The following RTN3 variants were observed in gnomAD, a reference collection of about 807,000 sequenced individuals.
The protein encoded by RTN3 is reticulon-3.
In RTN3, 49 loss-of-function variants were observed where a neutral mutation model predicts 77.8. The ratio of observed to expected loss-of-function variants is 0.63; its 90% CI spans 0.50 to 0.80. The LOEUF (loss-of-function observed/expected upper bound fraction) is 0.80, where lower values mean the gene tolerates loss of function less well. Among genes scored for constraint, RTN3 ranks in the 30% least tolerant of loss-of-function variants. The probability of loss-of-function intolerance (pLI) is 0.00; values close to 1 mark genes in which losing one functional copy is unlikely to be tolerated. For synonymous variants in RTN3, 464 were observed against 446.9 expected, an observed-to-expected ratio of 1.04 and a Z score of -0.48; for missense variants, 1,236 against 1,211.9, an observed-to-expected ratio of 1.02 and a Z score of -0.29.
chr11:63,698,997 G>A (rs1202990327), intron 1 of RTN3, among the ~76,000 whole-genome samples: 2 of 152,092 alleles, frequency 1.3e-5, no homozygotes, highest in African/African-American at 2.4e-5. Context: ...AATAATATAA[G>A]GGATTCCTGG....
At chr11:63,724,352 T>C (rs2012062909) in intron 3 of RTN3, among the ~76,000 whole-genome samples, 2 of 149,444 alleles carry the variant, frequency 1.3e-5, no homozygotes, top group African/African-American at 4.9e-5. Context: ...CCGGCTAATT[T>C]TTTGTATTTT....
intron 4 of RTN3, among the ~76,000 whole-genome samples, chr11:63,751,741 C>T (rs187770778): frequency 2.6e-5 from 4 of 152,124 alleles, no homozygotes; most frequent in Non-Finnish European, 5.9e-5. Flanking sequence ...CATGTAGTCT[C>T]AGCACTTTGG....
chr11:63,685,174 C>T (rs1169190570), intron 1 of RTN3, among the ~76,000 whole-genome samples: 1 of 152,046 alleles, frequency 6.6e-6, no homozygotes, highest in East Asian at 1.9e-4. Context: ...TGGGTCACTA[C>T]TTGAACATAA....
chr11:63,748,995 A>G (rs2013958947), intron 3 of RTN3, among the ~76,000 whole-genome samples: 5 of 151,942 alleles, frequency 3.3e-5, no homozygotes, highest in Admixed American at 3.3e-4. Flanking sequence ...AGAGTACTGC[A>G]GCTTGGCCAG....
chr11:63,724,089 G>A (rs1050198906), intron 3 of RTN3, among the ~76,000 whole-genome samples: 11 of 148,002 alleles, frequency 7.4e-5, no homozygotes, highest in African/African-American at 2.5e-4. Context: ...TGAAGTACAT[G>A]TAAATTGTTA....
chr11:63,705,049 A>G (rs1323016915), intron 2 of RTN3, 142 bp downstream of exon 2: 17 of 717,250 alleles, frequency 2.4e-5, no homozygotes, highest in Non-Finnish European at 4.1e-5. Flanking sequence ...CTTTCTATTT[A>G]GCAGTTTCCA....
chr11:63,692,631 T>C (rs1590783118), intron 1 of RTN3, among the ~76,000 whole-genome samples: 1 of 151,942 alleles, frequency 6.6e-6, no homozygotes, highest in Non-Finnish European at 1.5e-5. Flanking sequence ...CGTGGTGGCA[T>C]GCGCCTGTAG....
chr11:63,720,976 GC>G lies in RTN3; in HGVS notation c.2475del (p.Ser825ArgfsTer6). On this transcript the variant is annotated frameshift_variant, in exon 3 of 9. Coordinates refer to ENST00000377819, the MANE Select transcript of RTN3 (RefSeq NM_001265589.2). LOFTEE classifies it high-confidence loss of function. ...TTRVDAVSSL[S>X]KTELVKKHVL... ...AGGGTAGATGCTGTTTCCAGCCTTA[GC>G]AAGACTGAATTGGTAAAAAAGCATG... The G allele has an allele frequency of 6.2e-7, 1 of 1,612,806 alleles. No homozygotes were observed. Among genetic ancestry groups the G allele is most frequent in the East Asian group, 2.2e-5 (1 of 44,834 alleles).
chr11:63,697,747 A>G (rs1045265879), intron 1 of RTN3, among the ~76,000 whole-genome samples: 6 of 152,142 alleles, frequency 3.9e-5, no homozygotes. Flanking sequence ...AAGTGCTGGC[A>G]TTACAGGCGA....
intron 2 of RTN3, among the ~76,000 whole-genome samples, chr11:63,711,322 T>A (rs2011154807): frequency 6.6e-6 from 1 of 152,118 alleles, no homozygotes; most frequent in African/African-American, 2.4e-5. Flanking sequence ...CAGTGTTGGC[T>A]TAGAATTTCT....
At chr11:63,734,212 C>T (rs1305902445) in intron 3 of RTN3, among the ~76,000 whole-genome samples, 3 of 152,110 alleles carry the variant, frequency 2.0e-5, no homozygotes, top group Non-Finnish European at 4.4e-5. Flanking sequence ...CTTTGGGAGG[C>T]CGAGGTGGGC....
chr11:63,748,139 CCTGA>C (rs1444296149), intron 3 of RTN3, among the ~76,000 whole-genome samples: 1 of 151,300 alleles, frequency 6.6e-6, no homozygotes, highest in Non-Finnish European at 1.5e-5. Context: ...ATGGTGAAAC[CCTGA>C]CTGTGTCTCA....
chr11:63,692,709 C>T (rs542457132), intron 1 of RTN3, among the ~76,000 whole-genome samples: 5 of 151,542 alleles, frequency 3.3e-5, no homozygotes, highest in African/African-American at 1.2e-4. Flanking sequence ...TGCAATAAGC[C>T]GAGATCATGC....
At chr11:63,754,006 T>G (rs2135059868) in intron 7 of RTN3, among the ~76,000 whole-genome samples, 1 of 152,300 alleles carries the variant, frequency 6.6e-6, no homozygotes, top group South Asian at 2.1e-4. Flanking sequence ...AAAAAATGCT[T>G]AGGCCAGGGG....
chr11:63,724,213 C>T (rs1177169309), intron 3 of RTN3, among the ~76,000 whole-genome samples: 1 of 117,254 alleles, frequency 8.5e-6, no homozygotes, highest in Non-Finnish European at 1.6e-5. Flanking sequence ...GACAGAGTCT[C>T]GCTCTGTCGC....
intron 4 of RTN3, 118 bp from the exon 5 acceptor site, chr11:63,752,389 A>C (rs1336803919): frequency 1.1e-5 from 10 of 896,680 alleles, no homozygotes; most frequent in Non-Finnish European, 1.6e-5. Flanking sequence ...CAACAAAAAA[A>C]TGCTCCTACA....
Position 63,720,546 on chromosome 11 carries a change from A to G in RTN3, c.2044A>G (p.Thr682Ala). ...NAFKAISEKM[T>A]DFKTTPPVEV... ...TTTTAAAGCAATATCAGAGAAGATG[A>G]CAGACTTTAAAACAACTCCTCCTGT... The change falls in exon 3 of 9, where the codon ACA becomes GCA. Residue 682 changes from threonine to alanine, a missense_variant. Thr to Ala is a moderately conservative substitution (Grantham distance 58). Around this residue, in one of 3 missense-constraint regions of RTN3, gnomAD observed 1,056 missense variants for 990.4 expected, o/e 1.07. Coordinates refer to ENST00000377819, the MANE Select transcript of RTN3 (RefSeq NM_001265589.2). 6.2e-7 allele frequency: 1 copy of G among 1,614,154 alleles called. No homozygotes were observed. The highest frequency in any genetic ancestry group is 8.5e-7 in the Non-Finnish European group (1 of 1,180,004).
chr11:63,718,896 A>G lies in RTN3; in HGVS notation c.394A>G (p.Lys132Glu). The change falls in exon 3 of 9, where the codon AAG becomes GAG. Residue 132 changes from lysine to glutamate, a missense_variant. Coordinates refer to ENST00000377819, the MANE Select transcript of RTN3 (RefSeq NM_001265589.2). Reference sequence around the variant, plus strand: ...TCTTCTAGATATGAAAAAGATGGAAAAGCCTCAGGGGACCAGCAACAACGT... The same window carrying G: ...TCTTCTAGATATGAAAAAGATGGAAGAGCCTCAGGGGACCAGCAACAACGT... ...LDLLDMKKMEKPQGTSNNVSD... is the reference protein window; with the variant it reads ...LDLLDMKKMEEPQGTSNNVSD... 2 of 1,614,046 alleles carry G rather than the reference A, an allele frequency of 1.2e-6. No individual in the cohort carries two copies. The highest frequency in any genetic ancestry group is 1.1e-5 in the South Asian group (1 of 91,054).
chr11:63,723,231 C>A lies in RTN3; in HGVS notation c.2530+2199C>A, dbSNP rs116003421. Among the ~76,000 whole-genome samples, 1,409 of 152,074 alleles carry A rather than the reference C, an allele frequency of 9.3e-3. 15 individuals are homozygous for A. The highest frequency in any genetic ancestry group is 0.032 in the African/African-American group (1,322 of 41,476). On this transcript the variant is annotated intron_variant, in intron 3 of 8. Transcript: ENST00000377819. ...TTTTTAGATTGTAATTAAAGAAGAC[C>A]GGTATAGTTAGACCAAGAAGTTTAA...
Sources: gnomAD v4.1 joint callset for allele counts (sites outside exome capture counted in the v4.1 genomes callset) on GRCh38, gnomAD v4.1.1 for gene constraint, gnomAD v4.1.1 regional missense constraint, MANE v1.5 for transcripts, NCBI Gene and HGNC (gene_info 2026-07-23, HGNC 2026-07-21) for gene names.